RIT2: variants seen among roughly 807,000 people sequenced by gnomAD.
RIT2 encodes the protein Ras like without CAAX 2.
RIT2 carries 24 observed loss-of-function variants against 23.7 expected under a neutral mutation model. The observed-to-expected ratio is 1.01, with a 90% CI of 0.73 to 1.43. The LOEUF is 1.43. Ranked by LOEUF, RIT2 falls within the 40% of genes most tolerant of loss-of-function variation. RIT2 has a pLI of 0.00. For missense variants in RIT2, 236 were observed against 266.9 expected, an observed-to-expected ratio of 0.88 and a Z score of 0.81; for synonymous variants, 107 against 91.1, an observed-to-expected ratio of 1.17 and a Z score of -0.99.
At chr18:42,911,747 T>C (rs1416608455) in intron 4 of RIT2, among the ~76,000 whole-genome samples, 1 of 151,976 alleles carries the variant, frequency 6.6e-6, no homozygotes, top group Non-Finnish European at 1.5e-5. Context: ...CAAAATCAAA[T>C]AGATAAATGG....
At chr18:42,855,103 T>A (rs1456025653) in intron 4 of RIT2, among the ~76,000 whole-genome samples, 1 of 152,228 alleles carries the variant, frequency 6.6e-6, no homozygotes, top group Non-Finnish European at 1.5e-5. Context: ...TTATATATTA[T>A]AAGTGTTCTC....
intron 2 of RIT2, among the ~76,000 whole-genome samples, chr18:43,023,433 A>T (rs533979820): frequency 3.3e-5 from 5 of 152,156 alleles, no homozygotes; most frequent in African/African-American, 1.2e-4. Flanking sequence ...ACAGCTTTCC[A>T]TTTCACCATT....
At chr18:42,916,471 T>C (rs951700047) in intron 4 of RIT2, among the ~76,000 whole-genome samples, 2 of 152,026 alleles carry the variant, frequency 1.3e-5, no homozygotes, top group East Asian at 3.9e-4. Context: ...AGCTGAAAAA[T>C]TGGGAAATAA....
At chr18:42,985,493 T>C (rs988298084) in intron 2 of RIT2, among the ~76,000 whole-genome samples, 13 of 152,140 alleles carry the variant, frequency 8.5e-5, no homozygotes, top group African/African-American at 2.9e-4. Flanking sequence ...CTACCATGTA[T>C]TAAGACTTAC....
At chr18:42,797,337 T>A (rs889869262) in intron 4 of RIT2, among the ~76,000 whole-genome samples, 3 of 152,160 alleles carry the variant, frequency 2.0e-5, no homozygotes, top group Non-Finnish European at 2.9e-5. Flanking sequence ...GGTCACACTT[T>A]CATTCACCCA....
intron 4 of RIT2, among the ~76,000 whole-genome samples, chr18:42,889,436 T>G (rs998749260): frequency 6.6e-6 from 1 of 152,070 alleles, no homozygotes. Flanking sequence ...ATTGGGTTAT[T>G]TGTGTTACTT....
intron 4 of RIT2, among the ~76,000 whole-genome samples, chr18:42,827,538 A>G (rs1017547742): frequency 1.1e-4 from 17 of 152,156 alleles, no homozygotes; most frequent in African/African-American, 4.1e-4. Context: ...AAAACTAGGG[A>G]AGATATTTCC....
intron 4 of RIT2, among the ~76,000 whole-genome samples, chr18:42,766,941 C>A (rs576420307): frequency 5.3e-5 from 8 of 152,266 alleles, no homozygotes; most frequent in African/African-American, 1.9e-4. Context: ...GCACAGAAGT[C>A]AATAATTTAG....
intron 4 of RIT2, among the ~76,000 whole-genome samples, chr18:42,822,423 C>A (rs929053171): frequency 6.6e-6 from 1 of 152,074 alleles, no homozygotes. Context: ...TTGTTGGCGA[C>A]GGTTGATCAT....
intron 2 of RIT2, among the ~76,000 whole-genome samples, chr18:42,990,921 T>TG (rs1910830248): frequency 1.3e-5 from 2 of 150,754 alleles, no homozygotes; most frequent in South Asian, 2.1e-4. Context: ...TGTTTTTTTT[T>TG]TTTTTTTTTT....
chr18:43,098,546 A>G (rs1598783413), intron 1 of RIT2, among the ~76,000 whole-genome samples: 2 of 152,096 alleles, frequency 1.3e-5, no homozygotes, highest in East Asian at 3.9e-4. Flanking sequence ...TGGAGAAAAC[A>G]TAATTGTCAG....
intron 1 of RIT2, among the ~76,000 whole-genome samples, chr18:43,072,488 A>G (rs1170061791): frequency 6.6e-6 from 1 of 152,212 alleles, no homozygotes; most frequent in Non-Finnish European, 1.5e-5. Flanking sequence ...CATCATTCTC[A>G]GAGACAAATG....
At chr18:42,935,722 T>C (rs1233961036) in intron 3 of RIT2, among the ~76,000 whole-genome samples, 1 of 151,944 alleles carries the variant, frequency 6.6e-6, no homozygotes, top group African/African-American at 2.4e-5. Flanking sequence ...GTGCGCAAAG[T>C]AACAAAGGAA....
intron 4 of RIT2, among the ~76,000 whole-genome samples, chr18:42,753,856 C>T (rs546876474): frequency 5.9e-5 from 9 of 152,144 alleles, no homozygotes; most frequent in African/African-American, 9.6e-5. Flanking sequence ...TTATTTAATA[C>T]GAGAGTTACT....
intron 2 of RIT2, among the ~76,000 whole-genome samples, chr18:43,023,430 T>C (rs1467756844): frequency 1.3e-5 from 2 of 152,088 alleles, no homozygotes; most frequent in African/African-American, 4.8e-5. Context: ...CTGACAGCTT[T>C]CCATTTCACC....
Position 42,923,769 on chromosome 18 carries a change from GGA to G in RIT2, c.235-8_235-7del. ...CGCATGGCTGTGAATTCTGCCTGCA[GGA>G]AAAAAAAAAAAAAATTAGTTATGGG... On this transcript the variant is annotated splice_polypyrimidine_tract_variant and splice_region_variant and intron_variant, in intron 3 of 4. Transcript: ENST00000326695. 1 of 1,476,770 alleles carries G rather than the reference GGA, an allele frequency of 6.8e-7. No homozygotes were observed. The highest frequency in any genetic ancestry group is 8.9e-7 in the Non-Finnish European group (1 of 1,125,446). 91.5% of individuals were successfully genotyped at this position (1,476,770 alleles called of 1,614,324 possible).
At chr18:43,107,853 T>A (rs1392914337) in intron 1 of RIT2, among the ~76,000 whole-genome samples, 1 of 152,032 alleles carries the variant, frequency 6.6e-6, no homozygotes, top group African/African-American at 2.4e-5. Flanking sequence ...CGATTTTGTG[T>A]GATGTTTAAA....
chr18:43,105,473 AGAGGAAGGGAGGAAGG>A, intron 1 of RIT2, among the ~76,000 whole-genome samples: 1 of 125,190 alleles, frequency 8.0e-6, no homozygotes, highest in South Asian at 3.3e-4. Flanking sequence ...AGGGAGGAAG[AGAGGAAGGGAGGAAGG>A]GAGGAAGAAA....
intron 3 of RIT2, among the ~76,000 whole-genome samples, chr18:42,953,539 G>A (rs9916938): frequency 0.089 from 13,585 of 152,128 alleles, 1,021 homozygotes; most frequent in East Asian, 0.4. Context: ...ATGACCTACC[G>A]ACTCTGGCCT....
Sources: allele counts gnomAD v4.1 joint callset (sites outside exome capture counted in the v4.1 genomes callset), GRCh38; gene constraint gnomAD v4.1.1; transcripts MANE v1.5; gene names NCBI Gene and HGNC (gene_info 2026-07-23, HGNC 2026-07-21).